Variants in GPBP1 observed in about 807,000 individuals in gnomAD.
GPBP1 encodes vasculin.
In GPBP1, 13 loss-of-function variants were observed where a neutral mutation model predicts 56.5. The observed-to-expected ratio is 0.23, with a 90% CI of 0.15 to 0.37. The LOEUF (loss-of-function observed/expected upper bound fraction) is 0.37, where lower values mean the gene tolerates loss of function less well. Among genes scored for constraint, GPBP1 ranks in the 10% least tolerant of loss-of-function variants. The pLI, the probability that GPBP1 is intolerant of heterozygous loss-of-function variation, is 1.00. For missense variants in GPBP1, 477 were observed against 572.3 expected, an observed-to-expected ratio of 0.83 and a Z score of 1.70; for synonymous variants, 204 against 188.9, an observed-to-expected ratio of 1.08 and a Z score of -0.66.
chr5:57,178,013 A>G (rs1336670761), intron 2 of GPBP1, among the ~76,000 whole-genome samples: 6 of 152,068 alleles, frequency 3.9e-5, no homozygotes, highest in African/African-American at 1.4e-4. Context: ...ACTAGGTTAT[A>G]TGTGTTTTCT....
Position 57,262,483 on chromosome 5 carries a change from T to G in GPBP1, c.1264-111T>G, listed in dbSNP as rs924362490. On this transcript the variant is annotated intron_variant, in intron 11 of 11. Transcript: ENST00000506184. ...AGAATTTTTTCAGAAATATCATTAC[T>G]TGTGTAGTTTTTGGGTTAGGATACA... The G allele has an allele frequency of 3.8e-5, 29 of 769,872 alleles. No homozygotes were observed. The African/African-American group carries it at 4.9e-4, about 13-fold the overall frequency. 47.7% of individuals were successfully genotyped at this position (769,872 alleles called of 1,614,324 possible).
rs78073096 is a variant in GPBP1, at chr5:57,250,938, A to C, written c.973-16A>C. ...GAACTCATTCTTTTTTTTTTTTTTA[A>C]CTCTCTAAAAATCAGGATGACGACT... On this transcript the variant is annotated splice_polypyrimidine_tract_variant and intron_variant, in intron 9 of 11. Transcript: ENST00000506184. 1.4e-6 allele frequency: 2 copies of C among 1,439,036 alleles called. No homozygotes were observed. Among genetic ancestry groups the C allele is most frequent in the Non-Finnish European group, 1.9e-6 (2 of 1,067,876 alleles). 89.1% of individuals were successfully genotyped at this position (1,439,036 alleles called of 1,614,324 possible).
At position 57,256,739 on chromosome 5, in the gene GPBP1, C is replaced by T. The variant is rs185868700; in HGVS notation, c.1161-4441C>T. Among the ~76,000 whole-genome samples the T allele has an allele frequency of 1.7e-3, 256 of 152,164 alleles. 3 individuals are homozygous for T. Among genetic ancestry groups the T allele is most frequent in the Admixed American group, 0.013 (203 of 15,294 alleles). On this transcript the variant is annotated intron_variant, in intron 10 of 11. Coordinates refer to ENST00000506184, the MANE Select transcript of GPBP1 (RefSeq NM_022913.4). Reference sequence around the variant, plus strand: ...AAAGATCCTAAGACAAGTAAAGGGGCTAGTTGATATGAAACTGTTTTTATT... The same window carrying T: ...AAAGATCCTAAGACAAGTAAAGGGGTTAGTTGATATGAAACTGTTTTTATT...
At chr5:57,230,221 C>T (rs903798144) in intron 3 of GPBP1, among the ~76,000 whole-genome samples, 6 of 152,106 alleles carry the variant, frequency 3.9e-5, no homozygotes, top group Non-Finnish European at 8.8e-5. Context: ...TGTAAGCCAC[C>T]GCGCCCGGCC....
chr5:57,215,596 C>G (rs1015093398), intron 3 of GPBP1, among the ~76,000 whole-genome samples: 1 of 152,200 alleles, frequency 6.6e-6, no homozygotes, highest in East Asian at 1.9e-4. Flanking sequence ...CCTTACGTAT[C>G]TCTTTCTCAG....
intron 2 of GPBP1, among the ~76,000 whole-genome samples, chr5:57,178,922 T>C (rs71624154): frequency 6.6e-6 from 1 of 152,082 alleles, no homozygotes; most frequent in South Asian, 2.1e-4. Context: ...GGCTAACATT[T>C]ATAGATGATG....
intron 2 of GPBP1, among the ~76,000 whole-genome samples, chr5:57,189,839 C>G (rs966549445): frequency 1.3e-5 from 2 of 152,170 alleles, no homozygotes; most frequent in Non-Finnish European, 2.9e-5. Flanking sequence ...TACCTGAACA[C>G]GAGACATTTT....
At chr5:57,192,061 CAT>C (rs1754550948) in intron 2 of GPBP1, among the ~76,000 whole-genome samples, 1 of 152,098 alleles carries the variant, frequency 6.6e-6, no homozygotes, top group African/African-American at 2.4e-5. Flanking sequence ...GTAAGAAAAA[CAT>C]GTTATATAGA....
intron 9 of GPBP1, 44 bp downstream of exon 9, chr5:57,249,620 A>C: frequency 6.7e-7 from 1 of 1,497,146 alleles, no homozygotes; most frequent in African/African-American, 1.4e-5. Flanking sequence ...TTGATATGTC[A>C]TTGAAATATT....
Position 57,231,285 on chromosome 5 carries a change from C to G in GPBP1, c.375C>G (p.Asp125Glu). The change falls in exon 5 of 12, where the codon GAC becomes GAG. Residue 125 changes from aspartate to glutamate, a missense_variant. Coordinates refer to ENST00000506184, the MANE Select transcript of GPBP1 (RefSeq NM_022913.4). ...IPDNETGRKEDKRERKQFEAE... is the reference protein window; with the variant it reads ...IPDNETGRKEEKRERKQFEAE... ...ACAATGAAACCGGGAGGAAAGAAGACAAGAGAGAACGCAAACAGTTTGAAG... is the reference window on the plus strand; with the variant it reads ...ACAATGAAACCGGGAGGAAAGAAGAGAAGAGAGAACGCAAACAGTTTGAAG... 6.2e-7 allele frequency: 1 copy of G among 1,613,788 alleles called. No homozygotes were observed. Among genetic ancestry groups the G allele is most frequent in the Non-Finnish European group, 8.5e-7 (1 of 1,179,804 alleles).
chr5:57,203,856 C>G (rs1755119925), intron 2 of GPBP1, among the ~76,000 whole-genome samples: 1 of 152,108 alleles, frequency 6.6e-6, no homozygotes, highest in Admixed American at 6.6e-5. Context: ...TGGTAACTAA[C>G]AGATAAGACA....
chr5:57,181,208 G>T (rs1261928286), intron 2 of GPBP1, among the ~76,000 whole-genome samples: 1 of 152,074 alleles, frequency 6.6e-6, no homozygotes, highest in Non-Finnish European at 1.5e-5. Context: ...GGTGACATGC[G>T]CCTGTAGTCC....
At position 57,252,859 on chromosome 5, in the gene GPBP1, G is replaced by A. The variant is rs550164943; in HGVS notation, c.1160+1718G>A. ...TCAGTAGTTGAGAATACAGGCACAC[G>A]CCACCATGCCTGGCTAATTTTTGTC... On this transcript the variant is annotated intron_variant, in intron 10 of 11. Transcript: ENST00000506184. Among the ~76,000 whole-genome samples, 12 of 151,966 alleles carry A rather than the reference G, an allele frequency of 7.9e-5. No homozygotes were observed. In the East Asian group the frequency reaches 1.9e-3, roughly 25 times the overall value.
intron 1 of GPBP1, 83 bp downstream of exon 1, chr5:57,174,294 G>C (rs193271669): frequency 2.4e-4 from 37 of 152,968 alleles, no homozygotes; most frequent in Non-Finnish European, 2.9e-4. Flanking sequence ...GAGGGGTCGG[G>C]AGCGGCGTTG....
chr5:57,239,815 C>A (rs1287550463), intron 6 of GPBP1, among the ~76,000 whole-genome samples: 1 of 152,126 alleles, frequency 6.6e-6, no homozygotes. Context: ...ATTCAAACAG[C>A]ACCAATTGTT....
intron 6 of GPBP1, chr5:57,245,981 T>G (rs1741069866): frequency 5.3e-6 from 1 of 187,648 alleles, no homozygotes; most frequent in Non-Finnish European, 1.1e-5. Context: ...AGGTTGATGT[T>G]TGCAATTTTT....
intron 2 of GPBP1, among the ~76,000 whole-genome samples, chr5:57,183,237 C>T (rs1438473766): frequency 1.3e-5 from 2 of 152,074 alleles, no homozygotes; most frequent in Admixed American, 1.3e-4. Context: ...CGTGGTGGCA[C>T]ATGCCTGTAA....
intron 2 of GPBP1, among the ~76,000 whole-genome samples, chr5:57,189,307 C>T (rs576038182): frequency 2.6e-5 from 4 of 152,284 alleles, no homozygotes; most frequent in Admixed American, 2.6e-4. Context: ...TTAGTAGAGA[C>T]GGGGCTTTGT....
Position 57,259,631 on chromosome 5 carries a change from T to G in GPBP1, c.1161-1549T>G, listed in dbSNP as rs534588276. On this transcript the variant is annotated intron_variant, in intron 10 of 11. Coordinates refer to ENST00000506184, the MANE Select transcript of GPBP1 (RefSeq NM_022913.4). ...ATGGGCCCCCTCTAAAATTTAAGAT[T>G]AGGAAATGAAGTCAGAAGGAGCCAA... is the stretch of plus-strand genomic sequence containing the variant. Among the ~76,000 whole-genome samples the G allele has an allele frequency of 2.0e-5, 3 of 152,162 alleles. No individual in the cohort carries two copies. In the South Asian group the frequency reaches 6.2e-4, roughly 32 times the overall value.
Sources: gnomAD v4.1 joint callset for allele counts (sites outside exome capture counted in the v4.1 genomes callset) on GRCh38, gnomAD v4.1.1 for gene constraint, MANE v1.5 for transcripts, NCBI Gene and HGNC (gene_info 2026-07-23, HGNC 2026-07-21) for gene names.